Variants in FAM118B observed in about 807,000 individuals in gnomAD.
The protein encoded by FAM118B is SIR2 antiphage like 1.
Under a neutral mutation model 38.5 loss-of-function variants are expected in FAM118B, and 24 were observed. The ratio of observed to expected loss-of-function variants is 0.62; its 90% CI spans 0.45 to 0.88. The LOEUF (loss-of-function observed/expected upper bound fraction) is 0.88, where lower values mean the gene tolerates loss of function less well. FAM118B is among the 40% of genes least tolerant of loss of function. The pLI, the probability that FAM118B is intolerant of heterozygous loss-of-function variation, is 0.00. For missense variants in FAM118B, 334 were observed against 420.0 expected (o/e 0.80, Z 1.79); for synonymous variants, 138 against 156.3 (o/e 0.88, Z 0.87).
At chr11:126,257,147 G>A (rs1450758809) in intron 7 of FAM118B, among the ~76,000 whole-genome samples, 5 of 152,270 alleles carry the variant, frequency 3.3e-5, no homozygotes, top group African/African-American at 7.2e-5. Context: ...ACAAAATAGC[G>A]AAGAAAGATC....
At chr11:126,223,442 C>CA (rs1314352828) in intron 1 of FAM118B, among the ~76,000 whole-genome samples, 1 of 151,840 alleles carries the variant, frequency 6.6e-6, no homozygotes, top group Non-Finnish European at 1.5e-5. Context: ...ACTAAAAATA[C>CA]AAAAAATTAG....
At chr11:126,217,190 C>A (rs897168409) in intron 1 of FAM118B, among the ~76,000 whole-genome samples, 2 of 152,218 alleles carry the variant, frequency 1.3e-5, no homozygotes, top group Non-Finnish European at 2.9e-5. Flanking sequence ...TATGAAAAAA[C>A]GATGTTGAAC....
chr11:126,259,920 CTG>C (rs564594144), intron 7 of FAM118B, among the ~76,000 whole-genome samples: 88 of 151,742 alleles, frequency 5.8e-4, no homozygotes, highest in African/African-American at 2.1e-3. Context: ...CAGCGTTTCA[CTG>C]TGTTAGCCAG....
chr11:126,240,286 T>C (rs996296389), intron 3 of FAM118B, among the ~76,000 whole-genome samples: 1 of 152,022 alleles, frequency 6.6e-6, no homozygotes, highest in Non-Finnish European at 1.5e-5. Flanking sequence ...TTTTTTTTTT[T>C]TGCCTGAGGT....
chr11:126,240,423 C>T (rs11220414), intron 3 of FAM118B, among the ~76,000 whole-genome samples: 17,681 of 151,998 alleles, frequency 0.12, 1,060 homozygotes, highest in South Asian at 0.14. Context: ...AATCAAACGT[C>T]TTCTTTTGAA....
intron 4 of FAM118B, among the ~76,000 whole-genome samples, chr11:126,242,081 A>G (rs1444514340): frequency 2.6e-5 from 4 of 151,960 alleles, no homozygotes; most frequent in African/African-American, 9.7e-5. Flanking sequence ...TGGAATCTCC[A>G]TACACTTTAT....
chr11:126,251,329 T>C (rs920171448), intron 5 of FAM118B, among the ~76,000 whole-genome samples: 2 of 152,256 alleles, frequency 1.3e-5, no homozygotes, highest in African/African-American at 2.4e-5. Flanking sequence ...TCCTACACTT[T>C]GTTTTCCTCA....
At chr11:126,235,798 C>T (rs1234601191) in intron 3 of FAM118B, among the ~76,000 whole-genome samples, 2 of 152,162 alleles carry the variant, frequency 1.3e-5, no homozygotes, top group African/African-American at 4.8e-5. Context: ...GGATTATAGG[C>T]GTGAGCCACT....
intron 3 of FAM118B, among the ~76,000 whole-genome samples, chr11:126,238,736 C>T (rs1950314406): frequency 6.6e-6 from 1 of 152,108 alleles, no homozygotes; most frequent in African/African-American, 2.4e-5. Context: ...CCCACCAGCC[C>T]CTCTACCTTT....
rs901439232 is a variant in FAM118B, at chr11:126,244,165, T to C, written c.339+3121T>C. Among the ~76,000 whole-genome samples the C allele has an allele frequency of 2.0e-5, 3 of 152,202 alleles. No homozygotes were observed. Among genetic ancestry groups the C allele is most frequent in the Non-Finnish European group, 2.9e-5 (2 of 68,042 alleles). The stretch of plus-strand genomic sequence containing the variant: ...TTTAATGGTGAAAGACTGGATTTTT[T>C]CCACTAAGATCAGCAGCAAGACAAG... On this transcript the variant is annotated intron_variant, in intron 4 of 8. Transcript: ENST00000533050. This position sits in a 1 kb window ranked among gnomAD's most constrained non-coding sequence, Gnocchi z 4.5.
chr11:126,254,193 C>T, intron 5 of FAM118B, 112 bp from the exon 6 acceptor site: 2 of 1,297,176 alleles, frequency 1.5e-6, no homozygotes, highest in Non-Finnish European at 2.1e-6. Context: ...TATCATGAAG[C>T]TAGAGAGTTT....
Position 126,249,731 on chromosome 11 carries a change from C to CAAAA in FAM118B, c.340-755_340-752dup, listed in dbSNP as rs71048775. ...TGGGTGACAGAATGAGACTCCGTCT[C>CAAAA]AAAAAAAAAAAAAAAAAAAAAAAGA... On this transcript the variant is annotated intron_variant, in intron 4 of 8. Coordinates refer to ENST00000533050, the MANE Select transcript of FAM118B (RefSeq NM_024556.4). 3.7e-4 allele frequency among the ~76,000 whole-genome samples: 29 copies of CAAAA among 78,984 alleles called. 1 individual carries two copies. Among genetic ancestry groups the CAAAA allele is most frequent in the African/African-American group, 1.2e-3 (24 of 19,380 alleles). 51.8% of individuals were successfully genotyped at this position (78,984 alleles called of 152,430 possible).
chr11:126,246,123 A>C (rs975273318), intron 4 of FAM118B, among the ~76,000 whole-genome samples: 7 of 152,222 alleles, frequency 4.6e-5, no homozygotes, highest in Admixed American at 3.9e-4. Context: ...TTAATAATAA[A>C]AATGATATAT....
intron 1 of FAM118B, among the ~76,000 whole-genome samples, chr11:126,213,306 A>C (rs1013228596): frequency 1.3e-5 from 2 of 152,218 alleles, no homozygotes; most frequent in African/African-American, 4.8e-5. Flanking sequence ...AGTGGGAAAG[A>C]AGCAAGGCTT....
At chr11:126,238,972 CTT>C (rs533350695) in intron 3 of FAM118B, among the ~76,000 whole-genome samples, 13 of 129,812 alleles carry the variant, frequency 1.0e-4, no homozygotes, top group Non-Finnish European at 1.3e-4. Context: ...AAGTGGAAGT[CTT>C]TTTTTTTTTT....
At position 126,228,475 on chromosome 11, in the gene FAM118B, C is replaced by T. The variant is rs570317166; in HGVS notation, c.-76-750C>T. ...TCGGCCTCCCAAAGTGCTGGGATTA[C>T]AGGAGTGAGCCACTGGGCCTAGCCC... On this transcript the variant is annotated intron_variant, in intron 1 of 8. Coordinates refer to ENST00000533050, the MANE Select transcript of FAM118B (RefSeq NM_024556.4). Among the ~76,000 whole-genome samples the T allele has an allele frequency of 2.9e-4, 44 of 152,098 alleles. 1 individual carries two copies. Among genetic ancestry groups the T allele is most frequent in the African/African-American group, 8.7e-4 (36 of 41,496 alleles).
intron 2 of FAM118B, among the ~76,000 whole-genome samples, chr11:126,230,641 C>T (rs1046900028): frequency 6.6e-6 from 1 of 152,154 alleles, no homozygotes; most frequent in African/African-American, 2.4e-5. Flanking sequence ...GAATTTTTCT[C>T]TCCATTTGAT....
chr11:126,253,039 C>T lies in FAM118B; in HGVS notation c.568-1266C>T, dbSNP rs912320286. Among the ~76,000 whole-genome samples, 12 of 152,134 alleles carry T rather than the reference C, an allele frequency of 7.9e-5. No homozygotes were observed. Among genetic ancestry groups the T allele is most frequent in the Non-Finnish European group, 1.6e-4 (11 of 68,030 alleles). Reference sequence around the variant, plus strand: ...AACAGACCAAGACTCTGTCTAAAAACAAACAAACAAATGATTGAAATTTTA... The same window carrying T: ...AACAGACCAAGACTCTGTCTAAAAATAAACAAACAAATGATTGAAATTTTA... On this transcript the variant is annotated intron_variant, in intron 5 of 8. Transcript: ENST00000533050. This position sits in a 1 kb window ranked among gnomAD's most constrained non-coding sequence, Gnocchi z 5.1.
chr11:126,254,441 G>A lies in FAM118B; in HGVS notation c.696+8G>A, dbSNP rs1950547631. The A allele has an allele frequency of 6.2e-7, 1 of 1,613,900 alleles. No homozygotes were observed. On this transcript the variant is annotated splice_region_variant and intron_variant, in intron 6 of 8. Coordinates refer to ENST00000533050, the MANE Select transcript of FAM118B (RefSeq NM_024556.4). The stretch of plus-strand genomic sequence containing the variant: ...AGGAACACTGAAGTCATGGTGAGTG[G>A]GGCTGATCTTGCTGGTCTCAGGAAC...
Sources: allele counts gnomAD v4.1 joint callset (sites outside exome capture counted in the v4.1 genomes callset), GRCh38; gene constraint gnomAD v4.1.1; non-coding constraint Gnocchi (gnomAD v3.1); transcripts MANE v1.5; gene names NCBI Gene and HGNC (gene_info 2026-07-23, HGNC 2026-07-21).